POLN: variants seen among roughly 807,000 people sequenced by gnomAD.
The protein encoded by POLN is DNA polymerase N.
A neutral mutation model predicts 113.5 loss-of-function variants in POLN; 108 were observed. That is an observed-to-expected ratio of 0.95 (90% CI 0.81 to 1.12). POLN has a LOEUF of 1.12. Among genes scored for constraint, POLN ranks in the 50% most tolerant of loss-of-function variants. The pLI, the probability that POLN is intolerant of heterozygous loss-of-function variation, is 0.00. For missense variants in POLN, 1,097 were observed against 1,077.1 expected (o/e 1.02, Z -0.26); for synonymous variants, 386 against 391.5 (o/e 0.99, Z 0.17).
At chr4:2,238,804 T>C (rs1392178401) in intron 2 of POLN, 2 of 1,613,510 alleles carry the variant, frequency 1.2e-6, no homozygotes, top group Middle Eastern at 1.7e-4. Flanking sequence ...GAAGTTCAAA[T>C]GATGCCTTTT....
rs1730857309 is a variant in POLN at position 2,098,849 on chromosome 4, A to AAC, written c.1983-2918_1983-2917dup. Among the ~76,000 whole-genome samples the AAC allele has an allele frequency of 2.0e-5, 3 of 152,216 alleles. No homozygotes were observed. The South Asian group carries it at 6.2e-4, about 31-fold the overall frequency. Reference sequence around the variant, plus strand: ...ACTGGGGCAGGAAACATACAAGATGAACCTGGAATATCTTTTAGTGCCAGA... The same window carrying AAC: ...ACTGGGGCAGGAAACATACAAGATGAACACCTGGAATATCTTTTAGTGCCAGA... On this transcript the variant is annotated intron_variant, in intron 19 of 25. Transcript: ENST00000511885.
At chr4:2,220,547 G>A (rs1734229876) in intron 3 of POLN, among the ~76,000 whole-genome samples, 1 of 152,178 alleles carries the variant, frequency 6.6e-6, no homozygotes, top group African/African-American at 2.4e-5. Context: ...TCTGAATCTC[G>A]GCCTTGAGGG....
At chr4:2,149,489 A>G (rs995869374) in intron 16 of POLN, among the ~76,000 whole-genome samples, 3 of 152,196 alleles carry the variant, frequency 2.0e-5, no homozygotes, top group Admixed American at 1.3e-4. Context: ...CTGGTTGTAA[A>G]CAGGGAAATG....
chr4:2,099,570 G>T (rs953428614), intron 19 of POLN, among the ~76,000 whole-genome samples: 3 of 152,210 alleles, frequency 2.0e-5, no homozygotes. Flanking sequence ...CCATCAAAAG[G>T]AGCCTACAGA....
rs1731531186 is a variant in POLN at position 2,124,554 on chromosome 4, T to C, written c.1982+3559A>G. Among the ~76,000 whole-genome samples the C allele has an allele frequency of 4.6e-5, 7 of 152,316 alleles. No homozygotes were observed. In the East Asian group the frequency reaches 5.8e-4, roughly 13 times the overall value. ...TTTGCCTCCCCAAATACTGGGATTA[T>C]GGGCATGCGCCACTGTGCCAGGCCA... is the stretch of plus-strand genomic sequence containing the variant. On this transcript the variant is annotated intron_variant, in intron 19 of 25. Coordinates refer to ENST00000511885, the MANE Select transcript of POLN (RefSeq NM_181808.4).
At chr4:2,189,051 G>A (rs1356058013) in intron 7 of POLN, among the ~76,000 whole-genome samples, 2 of 151,100 alleles carry the variant, frequency 1.3e-5, no homozygotes, top group African/African-American at 2.4e-5. Flanking sequence ...ACTGGTTTTT[G>A]TAACCACAAA....
At chr4:2,231,977 C>T (rs1366299500) in intron 2 of POLN, 2 of 1,480,660 alleles carry the variant, frequency 1.4e-6, no homozygotes, top group South Asian at 1.2e-5. Flanking sequence ...TCTAAATTCT[C>T]CACAATATCT....
intron 21 of POLN, among the ~76,000 whole-genome samples, chr4:2,083,778 C>T (rs1257156692): frequency 6.6e-6 from 1 of 152,278 alleles, no homozygotes; most frequent in Non-Finnish European, 1.5e-5. Flanking sequence ...GTTGCCAGCT[C>T]AACCGGCTGT....
chr4:2,085,724 A>C lies in POLN; in HGVS notation c.2086T>G (p.Cys696Gly). ...YGAGKERLAACLGVPIQEAAQ... is the reference protein window; with the variant it reads ...YGAGKERLAAGLGVPIQEAAQ... ...GCTTCCTGAATAGGAACTCCAAGGC[A>C]AGCAGCCAGCCGCTCCTTCCCTGTC... The change falls in exon 21 of 26, where the codon TGC (cysteine) becomes GGC (glycine). Residue 696 changes from cysteine (C) to glycine (G), a missense_variant. Cys to Gly is a radical substitution (Grantham distance 159, BLOSUM62 -3). Coordinates refer to ENST00000511885, the MANE Select transcript of POLN (RefSeq NM_181808.4). The C allele has an allele frequency of 1.2e-6, 2 of 1,613,922 alleles. No individual in the cohort carries two copies. The highest frequency in any genetic ancestry group is 1.7e-6 in the Non-Finnish European group (2 of 1,180,024).
intron 7 of POLN, among the ~76,000 whole-genome samples, chr4:2,184,297 G>T (rs1186752492): frequency 6.7e-6 from 1 of 148,570 alleles, no homozygotes; most frequent in Admixed American, 6.8e-5. Flanking sequence ...TGGACATTCA[G>T]ACAAAAAGAC....
intron 16 of POLN, among the ~76,000 whole-genome samples, chr4:2,147,113 C>G (rs147688621): frequency 2.2e-4 from 33 of 152,156 alleles, no homozygotes; most frequent in African/African-American, 7.0e-4. Flanking sequence ...AATGAGAACT[C>G]AAGATACTAA....
At chr4:2,085,872 G>A in intron 20 of POLN, 128 bp from the exon 21 acceptor site, 2 of 1,256,150 alleles carry the variant, frequency 1.6e-6, no homozygotes, top group Non-Finnish European at 2.2e-6. Flanking sequence ...AGTTGGCGTT[G>A]ACTTTACAAG....
intron 23 of POLN, among the ~76,000 whole-genome samples, chr4:2,077,859 T>C (rs1730312133): frequency 6.6e-6 from 1 of 152,186 alleles, no homozygotes; most frequent in African/African-American, 2.4e-5. Context: ...GTCTGTCGTC[T>C]CCGTGTGGGG....
At chr4:2,231,903 TAA>T in intron 2 of POLN, 1 of 990,734 alleles carries the variant, frequency 1.0e-6, no homozygotes, top group South Asian at 1.5e-5. Context: ...GGACACGTAA[TAA>T]AGATTCAGTT....
At chr4:2,183,688 G>C (rs900652662) in intron 7 of POLN, among the ~76,000 whole-genome samples, 1 of 152,098 alleles carries the variant, frequency 6.6e-6, no homozygotes, top group South Asian at 2.1e-4. Context: ...TGGCTGCTAA[G>C]GAGTACAGGG....
intron 19 of POLN, among the ~76,000 whole-genome samples, chr4:2,107,201 G>A (rs1360001989): frequency 6.6e-6 from 1 of 151,996 alleles, no homozygotes; most frequent in Non-Finnish European, 1.5e-5. Context: ...CTTCTTCCAG[G>A]TCCTAGTTTT....
At chr4:2,128,087 T>C (rs752032490) in intron 19 of POLN, 26 bp downstream of exon 19, 2 of 1,405,826 alleles carry the variant, frequency 1.4e-6, no homozygotes, top group Non-Finnish European at 1.0e-6. Flanking sequence ...GCAGATCTGA[T>C]AATATTGTGA....
intron 23 of POLN, among the ~76,000 whole-genome samples, chr4:2,075,971 C>T (rs1183231899): frequency 6.6e-6 from 1 of 152,178 alleles, no homozygotes; most frequent in African/African-American, 2.4e-5. Flanking sequence ...ATGGGCCGAG[C>T]CTCGAACAAC....
chr4:2,133,211 TTGG>T (rs1327642141), intron 16 of POLN, among the ~76,000 whole-genome samples: 3 of 150,620 alleles, frequency 2.0e-5, no homozygotes, highest in Non-Finnish European at 4.4e-5. Flanking sequence ...TGATATACTG[TTGG>T]TGGGAAAGTA....
Sources: allele counts gnomAD v4.1 joint callset (sites outside exome capture counted in the v4.1 genomes callset), GRCh38; gene constraint gnomAD v4.1.1; transcripts MANE v1.5; gene names NCBI Gene and HGNC (gene_info 2026-07-23, HGNC 2026-07-21).